The following CCDC57 variants were observed in gnomAD, a reference collection of about 807,000 sequenced individuals.
The protein encoded by CCDC57 is coiled-coil domain containing 57.
CCDC57 carries 118 observed loss-of-function variants against 118.9 expected under a neutral mutation model. The observed-to-expected ratio is 0.99, with a 90% CI of 0.86 to 1.16. The LOEUF is 1.16. Ranked by LOEUF, CCDC57 falls within the 50% of genes most tolerant of loss-of-function variation. The probability of loss-of-function intolerance (pLI) is 0.00; values close to 1 mark genes in which losing one functional copy is unlikely to be tolerated. For synonymous variants in CCDC57, 527 were observed against 532.9 expected (o/e 0.99, Z 0.15); for missense variants, 1,300 against 1,320.7 (o/e 0.98, Z 0.24).
intron 8 of CCDC57, among the ~76,000 whole-genome samples, chr17:82,184,506 C>T (rs1296846067): frequency 1.3e-5 from 2 of 152,260 alleles, no homozygotes; most frequent in Non-Finnish European, 2.9e-5. Flanking sequence ...GGGACAATAT[C>T]TAGAGCTGTT....
rs1031362873 is a variant in CCDC57, at chr17:82,151,674, G to A, written c.2341C>T (p.Arg781Ter). The A allele has an allele frequency of 2.3e-5, 35 of 1,550,362 alleles. No homozygotes were observed. Among genetic ancestry groups the A allele is most frequent in the Admixed American group, 7.8e-5 (4 of 51,004 alleles). The change falls in exon 16 of 20, where the codon CGA becomes TGA. Residue 781 changes from arginine (R) to a stop codon, truncating the protein, a stop_gained. Coordinates refer to ENST00000665763, the Ensembl canonical transcript of CCDC57. LOFTEE classifies it high-confidence loss of function. Reference sequence around the variant, plus strand: ...GCCTCCTTCAGCTTTCTCTGGAGTCGGTGCATAGATAAGGTCTGGGGGGCA... The same window carrying A: ...GCCTCCTTCAGCTTTCTCTGGAGTCAGTGCATAGATAAGGTCTGGGGGGCA...
At chr17:82,198,250 AT>A (rs774291477) in intron 4 of CCDC57, 63 bp downstream of exon 3, 1 of 961,652 alleles carries the variant, frequency 1.0e-6, no homozygotes, top group Non-Finnish European at 1.6e-6. Context: ...GCCCTATATG[AT>A]TTCAGTTTCA....
intron 19 of CCDC57, among the ~76,000 whole-genome samples, chr17:82,117,367 G>T (rs772281823): frequency 4.0e-5 from 6 of 151,198 alleles, no homozygotes; most frequent in Admixed American, 6.6e-5. Context: ...GGCAAATTAG[G>T]CCAGGTGCTC....
chr17:82,189,847 T>C (rs2047436922), intron 7 of CCDC57, among the ~76,000 whole-genome samples: 1 of 148,826 alleles, frequency 6.7e-6, no homozygotes, highest in Non-Finnish European at 1.5e-5. Context: ...CTGTCTCTAC[T>C]AAAAATACAA....
Position 82,192,618 on chromosome 17 carries a change from T to C in CCDC57, c.851+1138A>G, listed in dbSNP as rs576848055. On this transcript the variant is annotated intron_variant, in intron 7 of 19. Transcript: ENST00000665763. This position sits in a 1 kb window ranked among gnomAD's most constrained non-coding sequence, Gnocchi z 4.0. ...AGTCCTGCACCACTGCCATCTGCACTGTGTCTGTTTGGGCTCGACTGCCTC... is the reference window on the plus strand; with the variant it reads ...AGTCCTGCACCACTGCCATCTGCACCGTGTCTGTTTGGGCTCGACTGCCTC... 1.3e-5 allele frequency among the ~76,000 whole-genome samples: 2 copies of C among 152,350 alleles called. No individual in the cohort carries two copies. The highest frequency in any genetic ancestry group is 3.9e-4 in the East Asian group (2 of 5,184).
chr17:82,151,861 T>G, intron 15 of CCDC57, 88 bp from the exon 15 acceptor site: 2 of 1,166,484 alleles, frequency 1.7e-6, no homozygotes, highest in Non-Finnish European at 2.4e-6. Context: ...CCTCTTCACC[T>G]GCTCTTCCAG....
intron 2 of CCDC57, among the ~76,000 whole-genome samples, chr17:82,205,092 ATGCACACACCTGTGCACACACCTG>A (rs56256528): frequency 3.7e-4 from 56 of 151,772 alleles, no homozygotes; most frequent in African/African-American, 1.3e-3. Flanking sequence ...CACAGAGGAC[ATGCACACACCTGTGCACACACCTG>A]TGCACACACA....
intron 19 of CCDC57, among the ~76,000 whole-genome samples, chr17:82,123,122 CTTTTTTTTTTT>C (rs34869339): frequency 9.5e-6 from 1 of 105,766 alleles, no homozygotes; most frequent in Non-Finnish European, 1.9e-5. Flanking sequence ...CTCCTAATAA[CTTTTTTTTTTT>C]TTTTTTTTTT....
At chr17:82,182,686 T>G (rs1480958080) in intron 9 of CCDC57, among the ~76,000 whole-genome samples, 1 of 150,012 alleles carries the variant, frequency 6.7e-6, no homozygotes, top group Non-Finnish European at 1.5e-5. Flanking sequence ...TATTTTTTAT[T>G]TGTTTATTCA....
intron 16 of CCDC57, among the ~76,000 whole-genome samples, chr17:82,138,559 A>T (rs2039578574): frequency 6.6e-6 from 1 of 151,826 alleles, no homozygotes. Flanking sequence ...AAAAGTAAAA[A>T]GAAAAAAGAT....
chr17:82,128,396 C>A, intron 18 of CCDC57, 97 bp downstream of exon 17: 2 of 777,240 alleles, frequency 2.6e-6, no homozygotes, highest in South Asian at 1.7e-5. Context: ...GCATGCAGAG[C>A]GAAGGCCCCT....
chr17:82,186,391 G>A (rs1056450900), intron 8 of CCDC57, among the ~76,000 whole-genome samples: 1 of 152,086 alleles, frequency 6.6e-6, no homozygotes, highest in Non-Finnish European at 1.5e-5. Flanking sequence ...CAGTCACCTC[G>A]GCCGCACTAC....
intron 5 of CCDC57, 32 bp from the exon 5 acceptor site, chr17:82,194,171 G>T (rs751735292): frequency 6.3e-7 from 1 of 1,595,852 alleles, no homozygotes. Flanking sequence ...TCAAAATGAG[G>T]TGATAATTAG....
intron 1 of CCDC57, among the ~76,000 whole-genome samples, chr17:82,211,177 C>CA (rs2050160654): frequency 6.6e-6 from 1 of 152,134 alleles, no homozygotes; most frequent in South Asian, 2.1e-4. Flanking sequence ...CACCAACAGC[C>CA]AGGGGCATCC....
Position 82,183,760 on chromosome 17 carries a change from C to A in CCDC57, c.1211+14G>T, listed in dbSNP as rs1039733770. 2 of 1,551,478 alleles carry A rather than the reference C, an allele frequency of 1.3e-6. No homozygotes were observed. The highest frequency in any genetic ancestry group is 1.7e-6 in the Non-Finnish European group (2 of 1,146,756). ...GGAGACCCTCAATGGAAACATCTGC[C>A]TGGGGACAGTTACCTTTCAATGTCC... is the stretch of plus-strand genomic sequence containing the variant. On this transcript the variant is annotated intron_variant, in intron 9 of 19. Coordinates refer to ENST00000665763, the Ensembl canonical transcript of CCDC57.
intron 19 of CCDC57, among the ~76,000 whole-genome samples, chr17:82,108,452 A>T (rs1282695243): frequency 6.6e-6 from 1 of 152,200 alleles, no homozygotes; most frequent in South Asian, 2.1e-4. Flanking sequence ...AGCCTAAAAC[A>T]ACAGTGAGTT....
At position 82,178,810 on chromosome 17, in the gene CCDC57, G is replaced by A. The variant is rs567265820; in HGVS notation, c.1375-205C>T. 2.0e-5 allele frequency among the ~76,000 whole-genome samples: 3 copies of A among 152,350 alleles called. No homozygotes were observed. The East Asian group carries it at 5.8e-4, about 29-fold the overall frequency. On this transcript the variant is annotated intron_variant, in intron 10 of 19. Coordinates refer to ENST00000665763, the Ensembl canonical transcript of CCDC57. ...GATCATGCAGCGCTACTCAAACCAC[G>A]CGGCTGGTCAACTACAGAAACAGCT...
intron 13 of CCDC57, among the ~76,000 whole-genome samples, chr17:82,164,994 T>C (rs2043803035): frequency 6.6e-6 from 1 of 152,158 alleles, no homozygotes; most frequent in African/African-American, 2.4e-5. Flanking sequence ...CCAGTCTTAC[T>C]CATGAACATA....
At chr17:82,181,386 A>G (rs1490464257) in intron 9 of CCDC57, among the ~76,000 whole-genome samples, 4 of 152,234 alleles carry the variant, frequency 2.6e-5, no homozygotes, top group Non-Finnish European at 4.4e-5. Flanking sequence ...GCCCTGGTGA[A>G]AAGGCTTCTC....
Sources: gnomAD v4.1 joint callset for allele counts (sites outside exome capture counted in the v4.1 genomes callset) on GRCh38, gnomAD v4.1.1 for gene constraint, Gnocchi (gnomAD v3.1) non-coding constraint, MANE v1.5 for transcripts, NCBI Gene and HGNC (gene_info 2026-07-23, HGNC 2026-07-21) for gene names.